Variants in PIK3R5 observed in about 807,000 individuals in gnomAD.
PIK3R5 encodes phosphoinositide-3-kinase regulatory subunit 5.
A neutral mutation model predicts 94.9 loss-of-function variants in PIK3R5; 32 were observed. The observed-to-expected ratio is 0.34, with a 90% CI of 0.25 to 0.45. The LOEUF (loss-of-function observed/expected upper bound fraction) is 0.45, where lower values mean the gene tolerates loss of function less well. Ranked by LOEUF, PIK3R5 falls within the 20% of genes least tolerant of loss-of-function variation. The pLI, the probability that PIK3R5 is intolerant of heterozygous loss-of-function variation, is 1.00. For missense variants in PIK3R5, 853 were observed against 1,144.6 expected (o/e 0.75, Z 3.68); for synonymous variants, 443 against 479.4 (o/e 0.92, Z 0.99).
At position 8,880,592 on chromosome 17, in the gene PIK3R5, G is replaced by C. The variant is rs772758361; in HGVS notation, c.*47C>G. The C allele has an allele frequency of 6.5e-7, 1 of 1,535,396 alleles. No individual in the cohort carries two copies. The highest frequency in any genetic ancestry group is 1.3e-5 in the South Asian group (1 of 79,538). ...GAGGGACTGTCCTGGAGGGGTGGCC[G>C]AGGAGGTTGCCCCAGGGCTTCTGTC... On this transcript the variant is annotated 3_prime_UTR_variant, in exon 19 of 19. Coordinates refer to ENST00000447110, the MANE Select transcript of PIK3R5 (RefSeq NM_001142633.3).
At chr17:8,947,515 T>C (rs970969161) in intron 1 of PIK3R5, among the ~76,000 whole-genome samples, 1 of 151,406 alleles carries the variant, frequency 6.6e-6, no homozygotes, top group Non-Finnish European at 1.5e-5. Context: ...ATCTAGTCTA[T>C]TAAAACAACA....
chr17:8,963,301 G>A (rs1412661976), intron 1 of PIK3R5, among the ~76,000 whole-genome samples: 3 of 152,100 alleles, frequency 2.0e-5, no homozygotes, highest in South Asian at 2.1e-4. Flanking sequence ...AGTGCTCAGT[G>A]GAACCCAAGC....
chr17:8,963,155 T>G lies in PIK3R5; in HGVS notation c.-14+2441A>C, dbSNP rs147044653. On this transcript the variant is annotated intron_variant, in intron 1 of 18. Transcript: ENST00000447110. ...ACTATGCCTGGCCAGCTTTCTTTCT[T>G]AACACATTGGTTCAGGCTTTTAGCT... Among the ~76,000 whole-genome samples, 593 of 152,276 alleles carry G rather than the reference T, an allele frequency of 3.9e-3. 3 individuals are homozygous for G. Among genetic ancestry groups the G allele is most frequent in the African/African-American group, 0.014 (568 of 41,564 alleles).
chr17:8,885,769 T>C (rs542284911), intron 14 of PIK3R5, among the ~76,000 whole-genome samples: 130 of 3,554 alleles, frequency 0.037, no homozygotes, highest in East Asian at 0.059. Context: ...AACCCCGCCC[T>C]CCCATGGCCC....
Position 8,881,519 on chromosome 17 carries a change from A to T in PIK3R5, c.2382+111T>A, listed in dbSNP as rs1327657981. 1 of 827,518 alleles carries T rather than the reference A, an allele frequency of 1.2e-6. No individual in the cohort carries two copies. The highest frequency in any genetic ancestry group is 2.0e-6 in the Non-Finnish European group (1 of 493,316). 51.3% of individuals were successfully genotyped at this position (827,518 alleles called of 1,614,324 possible). A position where few individuals can be genotyped will look rare whatever the true frequency, so the allele number is the denominator to read the frequency against. Reference sequence around the variant, plus strand: ...CACAAGTATGTACACACGGGTGTGTATGTGCACACATGCACACACATACAT... The same window carrying T: ...CACAAGTATGTACACACGGGTGTGTTTGTGCACACATGCACACACATACAT... On this transcript the variant is annotated intron_variant, in intron 17 of 18. Coordinates refer to ENST00000447110, the MANE Select transcript of PIK3R5 (RefSeq NM_001142633.3). The surrounding 1 kb of genome is among the most constrained non-coding windows in gnomAD (Gnocchi z 4.8).
At position 8,945,467 on chromosome 17, in the gene PIK3R5, C is replaced by T. The variant is rs2091256595; in HGVS notation, c.-14+20129G>A. ...TCATAAGCGAGGCTTCACTGGTGAC[C>T]CAGAGAGAGCCTGGGACAGGACTGC... On this transcript the variant is annotated intron_variant, in intron 1 of 18. Coordinates refer to ENST00000447110, the MANE Select transcript of PIK3R5 (RefSeq NM_001142633.3). The surrounding 1 kb of genome is among the most constrained non-coding windows in gnomAD (Gnocchi z 4.0). Among the ~76,000 whole-genome samples the T allele has an allele frequency of 6.6e-6, 1 of 152,170 alleles. No individual in the cohort carries two copies. Among genetic ancestry groups the T allele is most frequent in the African/African-American group, 2.4e-5 (1 of 41,438 alleles).
At chr17:8,946,425 A>T (rs867974629) in intron 1 of PIK3R5, among the ~76,000 whole-genome samples, 10 of 151,950 alleles carry the variant, frequency 6.6e-5, no homozygotes, top group African/African-American at 2.4e-4. Context: ...TATGAAAACT[A>T]CTAGGAGATG....
At chr17:8,926,640 G>C (rs1413086828) in intron 1 of PIK3R5, among the ~76,000 whole-genome samples, 2 of 152,108 alleles carry the variant, frequency 1.3e-5, no homozygotes, top group Non-Finnish European at 2.9e-5. Context: ...ACTACCACAA[G>C]AACAGTATGG....
At chr17:8,943,964 A>G (rs7215043) in intron 1 of PIK3R5, among the ~76,000 whole-genome samples, 124,480 of 151,026 alleles carry the variant, frequency 0.82, 51,531 homozygotes, top group Non-Finnish European at 0.86. Context: ...ACGGGGGTTT[A>G]TTGGACAGAT....
Position 8,913,099 on chromosome 17 carries a change from A to G in PIK3R5, c.-13-1592T>C, listed in dbSNP as rs530708431. On this transcript the variant is annotated intron_variant, in intron 1 of 18. Transcript: ENST00000447110. ...TGGAGCAAACAAAGACGTGATTCCAAGAAGTGAAACATGCTGTAAAGGATG... is the reference window on the plus strand; with the variant it reads ...TGGAGCAAACAAAGACGTGATTCCAGGAAGTGAAACATGCTGTAAAGGATG... 2.6e-5 allele frequency among the ~76,000 whole-genome samples: 4 copies of G among 152,360 alleles called. No individual in the cohort carries two copies. The South Asian group carries it at 8.3e-4, about 32-fold the overall frequency.
intron 1 of PIK3R5, among the ~76,000 whole-genome samples, chr17:8,950,976 T>C (rs941713021): frequency 6.6e-6 from 1 of 152,198 alleles, no homozygotes; most frequent in Non-Finnish European, 1.5e-5. Flanking sequence ...TTTTTGGCTT[T>C]TCAATAGTGG....
In PIK3R5 at chr17:8,946,566, T is replaced by C. The variant is rs138073141; in HGVS notation, c.-14+19030A>G. Among the ~76,000 whole-genome samples the C allele has an allele frequency of 5.2e-3, 793 of 151,916 alleles. 3 individuals are homozygous for C. The highest frequency in any genetic ancestry group is 0.018 in the African/African-American group (760 of 41,406). On this transcript the variant is annotated intron_variant, in intron 1 of 18. Coordinates refer to ENST00000447110, the MANE Select transcript of PIK3R5 (RefSeq NM_001142633.3). The stretch of plus-strand genomic sequence containing the variant: ...TCCAACCTAAGTGTGTTTACTCAAA[T>C]AAAAATTCTTACCAAGTGAATATGA...
Position 8,887,601 on chromosome 17 carries a change from T to C in PIK3R5, c.1699A>G (p.Thr567Ala). ...FYVPVKRSHG[T>A]SPGACPPPRS... ...GGGGGTGGACAGGCACCAGGGCTGG[T>C]CCCATGACTTCGCTTCACAGGCACG... The change falls in exon 11 of 19, where the codon ACC becomes GCC. Residue 567 changes from threonine to alanine, a missense_variant. By Grantham distance (58) the Thr-to-Ala change is moderately conservative. Transcript: ENST00000447110. 1 of 1,610,016 alleles carries C rather than the reference T, an allele frequency of 6.2e-7. No homozygotes were observed. Among genetic ancestry groups the C allele is most frequent in the Non-Finnish European group, 8.5e-7 (1 of 1,178,278 alleles).
chr17:8,939,148 C>T (rs548530374), intron 1 of PIK3R5, among the ~76,000 whole-genome samples: 2 of 152,164 alleles, frequency 1.3e-5, no homozygotes, highest in Non-Finnish European at 2.9e-5. Flanking sequence ...CATAAGGAAA[C>T]GATGGCTCTG....
intron 1 of PIK3R5, among the ~76,000 whole-genome samples, chr17:8,957,763 C>T (rs982006358): frequency 6.6e-6 from 1 of 152,038 alleles, no homozygotes; most frequent in Non-Finnish European, 1.5e-5. Flanking sequence ...CAGATTTGTA[C>T]CTGGGAGGAC....
At chr17:8,901,658 A>G (rs2090285568) in intron 5 of PIK3R5, among the ~76,000 whole-genome samples, 1 of 152,228 alleles carries the variant, frequency 6.6e-6, no homozygotes, top group Non-Finnish European at 1.5e-5. Context: ...TGGTGCATGT[A>G]TACATTAGAA....
intron 1 of PIK3R5, among the ~76,000 whole-genome samples, chr17:8,921,086 C>T (rs1368280231): frequency 6.6e-6 from 1 of 152,260 alleles, no homozygotes; most frequent in East Asian, 1.9e-4. Context: ...GGTGATCCAC[C>T]CGCCTCAGCC....
chr17:8,949,620 G>A (rs1304626035), intron 1 of PIK3R5, among the ~76,000 whole-genome samples: 1 of 152,214 alleles, frequency 6.6e-6, no homozygotes. Flanking sequence ...GCAGCAACCT[G>A]AATAGGATTG....
At position 8,889,395 on chromosome 17, in the gene PIK3R5, A is replaced by G. The variant is rs554459024; in HGVS notation, c.812-173T>C. Reference sequence around the variant, plus strand: ...GCCAGGGTGCCAGGCTCCAAGCCAGAGGCCCTTCTTTCAAGCACACCATGT... The same window carrying G: ...GCCAGGGTGCCAGGCTCCAAGCCAGGGGCCCTTCTTTCAAGCACACCATGT... On this transcript the variant is annotated intron_variant, in intron 8 of 18. Transcript: ENST00000447110. This position sits in a 1 kb window ranked among gnomAD's most constrained non-coding sequence, Gnocchi z 4.1. Among the ~76,000 whole-genome samples, 1 of 152,304 alleles carries G rather than the reference A, an allele frequency of 6.6e-6. No homozygotes were observed. The highest frequency in any genetic ancestry group is 2.1e-4 in the South Asian group (1 of 4,826).
Sources: gnomAD v4.1 joint callset for allele counts (sites outside exome capture counted in the v4.1 genomes callset) on GRCh38, gnomAD v4.1.1 for gene constraint, Gnocchi (gnomAD v3.1) non-coding constraint, MANE v1.5 for transcripts, NCBI Gene and HGNC (gene_info 2026-07-23, HGNC 2026-07-21) for gene names.